The following ARHGAP26 variants were observed in gnomAD, a reference collection of about 807,000 sequenced individuals.
ARHGAP26 encodes the protein Rho GTPase activating protein 26.
ARHGAP26 carries 38 observed loss-of-function variants against 104.8 expected under a neutral mutation model. That is an observed-to-expected ratio of 0.36 (90% CI 0.28 to 0.48). The LOEUF is 0.48. Among genes scored for constraint, ARHGAP26 ranks in the 20% least tolerant of loss-of-function variants. ARHGAP26 has a pLI of 0.99. For missense variants in ARHGAP26, 704 were observed against 947.9 expected (o/e 0.74, Z 3.38); for synonymous variants, 341 against 340.0 (o/e 1.00, Z -0.03).
At chr5:143,174,425 A>G (rs1803201418) in intron 20 of ARHGAP26, among the ~76,000 whole-genome samples, 1 of 152,232 alleles carries the variant, frequency 6.6e-6, no homozygotes, top group African/African-American at 2.4e-5. Context: ...ACATCCACCC[A>G]CACCAGCTTG....
chr5:142,956,535 C>T (rs1385154744), intron 11 of ARHGAP26, among the ~76,000 whole-genome samples: 1 of 152,144 alleles, frequency 6.6e-6, no homozygotes, highest in Non-Finnish European at 1.5e-5. Flanking sequence ...TATGATTGCA[C>T]CACTCCATTC....
chr5:143,068,697 A>G (rs1472395563), intron 17 of ARHGAP26, among the ~76,000 whole-genome samples: 2 of 152,208 alleles, frequency 1.3e-5, no homozygotes, highest in African/African-American at 2.4e-5. Context: ...ATCTTTCTCA[A>G]TCCCATATCC....
At chr5:142,870,277 A>G (rs1755086445) in intron 1 of ARHGAP26, among the ~76,000 whole-genome samples, 1 of 152,212 alleles carries the variant, frequency 6.6e-6, no homozygotes, top group Admixed American at 6.5e-5. Flanking sequence ...CTTGAAATAA[A>G]TCTTTGGGCT....
chr5:143,181,396 TA>T (rs1338445160), intron 20 of ARHGAP26, among the ~76,000 whole-genome samples: 1 of 152,264 alleles, frequency 6.6e-6, no homozygotes, highest in Non-Finnish European at 1.5e-5. Context: ...ACTGTGTTCT[TA>T]AACATCACTT....
chr5:143,214,552 T>A (rs1449624460), intron 22 of ARHGAP26, among the ~76,000 whole-genome samples: 3 of 152,238 alleles, frequency 2.0e-5, no homozygotes, highest in African/African-American at 7.2e-5. Context: ...TCCTCACTTT[T>A]GTCTGGGCAG....
intron 20 of ARHGAP26, among the ~76,000 whole-genome samples, chr5:143,191,476 G>A (rs1415795382): frequency 2.0e-5 from 3 of 152,150 alleles, no homozygotes; most frequent in African/African-American, 7.2e-5. Context: ...CAAAATGTGA[G>A]CTGTGTGACA....
chr5:143,207,461 A>C (rs1211638930), intron 21 of ARHGAP26, 153 bp downstream of exon 21: 1 of 1,613,952 alleles, frequency 6.2e-7, no homozygotes, highest in Non-Finnish European at 8.5e-7. Context: ...GAAGCGGTAC[A>C]TGAAGACTCC....
In ARHGAP26 at chr5:143,029,392, G is replaced by GTTTTTTTTTTTTTTTTTTTT. The variant is rs536919888; in HGVS notation, c.1145-7793_1145-7774dup. ...CATGTTAGAAATCCTTTACTTCTCA[G>GTTTTTTTTTTTTTTTTTTTT]TTTTTTTTTTTTTTTTTTTTTTTTT... is the stretch of plus-strand genomic sequence containing the variant. On this transcript the variant is annotated intron_variant, in intron 12 of 22. Coordinates refer to ENST00000645722, the MANE Select transcript of ARHGAP26 (RefSeq NM_001135608.3). Among the ~76,000 whole-genome samples, 5 of 80,812 alleles carry GTTTTTTTTTTTTTTTTTTTT rather than the reference G, an allele frequency of 6.2e-5. 2 individuals carry two copies. Among genetic ancestry groups the GTTTTTTTTTTTTTTTTTTTT allele is most frequent in the African/African-American group, 8.8e-5 (2 of 22,624 alleles). 53.0% of individuals were successfully genotyped at this position (80,812 alleles called of 152,430 possible). A position where few individuals can be genotyped will look rare whatever the true frequency, so the allele number is the denominator to read the frequency against.
intron 1 of ARHGAP26, among the ~76,000 whole-genome samples, chr5:142,822,012 C>T (rs988112461): frequency 8.5e-5 from 13 of 152,226 alleles, no homozygotes; most frequent in African/African-American, 3.1e-4. Context: ...AACTATTAAC[C>T]TGTTAAACAT....
chr5:142,971,840 A>G (rs1178103835), intron 11 of ARHGAP26, among the ~76,000 whole-genome samples: 1 of 152,192 alleles, frequency 6.6e-6, no homozygotes, highest in African/African-American at 2.4e-5. Context: ...GGAAGCTGAC[A>G]TTAAGGATGA....
intron 1 of ARHGAP26, among the ~76,000 whole-genome samples, chr5:142,859,055 C>G (rs1456187316): frequency 6.6e-6 from 1 of 152,066 alleles, no homozygotes; most frequent in Non-Finnish European, 1.5e-5. Flanking sequence ...TTTTGTAGAC[C>G]TTGGTTGGAT....
intron 1 of ARHGAP26, among the ~76,000 whole-genome samples, chr5:142,836,147 A>G (rs1769515659): frequency 6.6e-6 from 1 of 152,106 alleles, no homozygotes; most frequent in Admixed American, 6.6e-5. Context: ...CCCTCCTCTA[A>G]TGTTTAATTC....
chr5:143,022,060 T>C (rs1364758933), intron 12 of ARHGAP26, among the ~76,000 whole-genome samples: 1 of 148,532 alleles, frequency 6.7e-6, no homozygotes, highest in African/African-American at 2.5e-5. Context: ...TTCTCTGAAA[T>C]CCCCTGATTT....
intron 12 of ARHGAP26, 166 bp downstream of exon 12, chr5:143,014,282 TC>T: frequency 1.4e-6 from 1 of 699,464 alleles, no homozygotes; most frequent in Non-Finnish European, 2.5e-6. Context: ...CGCCAGTGAC[TC>T]CAGAGGGACG....
chr5:142,890,151 A>AAAAATATATAT (rs1252590997), intron 5 of ARHGAP26, among the ~76,000 whole-genome samples: 2 of 32,418 alleles, frequency 6.2e-5, no homozygotes, highest in African/African-American at 2.4e-4. Context: ...AAAAAAAAAA[A>AAAAATATATAT]ATATATATAT....
intron 17 of ARHGAP26, among the ~76,000 whole-genome samples, chr5:143,118,353 C>T (rs1446704855): frequency 6.6e-6 from 1 of 152,038 alleles, no homozygotes; most frequent in Non-Finnish European, 1.5e-5. Context: ...GATGAGGAAC[C>T]CAAAGCTTAG....
intron 17 of ARHGAP26, among the ~76,000 whole-genome samples, chr5:143,098,414 T>G (rs1483143570): frequency 6.6e-6 from 1 of 152,214 alleles, no homozygotes; most frequent in Admixed American, 6.5e-5. Flanking sequence ...GAATTCAAGT[T>G]TGACTTAAAA....
In ARHGAP26 at chr5:143,224,653, T is replaced by C; in HGVS notation, c.*2207T>C. On this transcript the variant is annotated 3_prime_UTR_variant, in exon 23 of 23. Transcript: ENST00000645722. The stretch of plus-strand genomic sequence containing the variant: ...TTTAGAAATGTGGACAAGCTAGTTT[T>C]CAAATTTTGTGTGCGTCTGTAAGTT... 4.3e-6 allele frequency: 1 copy of C among 230,498 alleles called. No individual in the cohort carries two copies. Among genetic ancestry groups the C allele is most frequent in the East Asian group, 6.2e-5 (1 of 16,236 alleles). 14.3% of individuals were successfully genotyped at this position (230,498 alleles called of 1,614,324 possible).
chr5:142,849,233 G>A (rs1751045998), intron 1 of ARHGAP26, among the ~76,000 whole-genome samples: 1 of 152,162 alleles, frequency 6.6e-6, no homozygotes, highest in Admixed American at 6.5e-5. Context: ...AATTCCAGTA[G>A]GTTTTCATTG....
Sources: allele counts gnomAD v4.1 joint callset (sites outside exome capture counted in the v4.1 genomes callset), GRCh38; gene constraint gnomAD v4.1.1; transcripts MANE v1.5; gene names NCBI Gene and HGNC (gene_info 2026-07-23, HGNC 2026-07-21).